Variants in TP63 observed in about 807,000 individuals in gnomAD.
TP63 encodes the protein tumor protein p63.
Under a neutral mutation model 82.8 loss-of-function variants are expected in TP63, and 17 were observed. The observed-to-expected ratio is 0.21, with a 90% CI of 0.14 to 0.31. The LOEUF (loss-of-function observed/expected upper bound fraction) is 0.31. Ranked by LOEUF, TP63 falls within the 10% of genes least tolerant of loss-of-function variation. The pLI, the probability that TP63 is intolerant of heterozygous loss-of-function variation, is 1.00. For synonymous variants in TP63, 330 were observed against 321.7 expected (o/e 1.03, Z -0.28); for missense variants, 648 against 895.3 (o/e 0.72, Z 3.52).
chr3:189,697,382 C>T (rs1395570000), intron 1 of TP63, among the ~76,000 whole-genome samples: 3 of 151,848 alleles, frequency 2.0e-5, no homozygotes, highest in African/African-American at 7.3e-5. Flanking sequence ...TATATCTGAA[C>T]CTTCCATTCT....
chr3:189,644,725 T>C (rs1712247755), intron 1 of TP63, among the ~76,000 whole-genome samples: 1 of 152,156 alleles, frequency 6.6e-6, no homozygotes, highest in Non-Finnish European at 1.5e-5. Context: ...ATATCATTCT[T>C]ATGCCTTTGA....
rs147001224 is a variant in TP63 at position 189,845,215 on chromosome 3, A to G, written c.580-19017A>G. Among the ~76,000 whole-genome samples, 7 of 152,284 alleles carry G rather than the reference A, an allele frequency of 4.6e-5. No individual in the cohort carries two copies. The East Asian group carries it at 1.4e-3, about 29-fold the overall frequency. ...GGTTATTTGAGATAGTACAGACAAC[A>G]CTTTACCTCTTAAGTTTTTTGAACT... On this transcript the variant is annotated intron_variant, in intron 4 of 13. Transcript: ENST00000264731.
At chr3:189,776,428 CCTAGGAAATAATGAAAAAAGGAT>C in intron 3 of TP63, among the ~76,000 whole-genome samples, 1 of 152,154 alleles carries the variant, frequency 6.6e-6, no homozygotes, top group South Asian at 2.1e-4. Context: ...CATGTATAGC[CCTAGGAAATAATGAAAAAAGGAT>C]TTAGGAGTGG....
intron 4 of TP63, among the ~76,000 whole-genome samples, chr3:189,827,138 A>T (rs1334566697): frequency 3.9e-5 from 6 of 152,220 alleles, no homozygotes; most frequent in African/African-American, 1.4e-4. Context: ...TTGGGTAATT[A>T]TATTAATAGA....
chr3:189,751,749 A>C (rs1284611879), intron 3 of TP63, among the ~76,000 whole-genome samples: 1 of 151,784 alleles, frequency 6.6e-6, no homozygotes, highest in Non-Finnish European at 1.5e-5. Flanking sequence ...GATTGCAAAA[A>C]TTTTCTCCCA....
At chr3:189,658,281 A>G (rs1713566935) in intron 1 of TP63, among the ~76,000 whole-genome samples, 1 of 152,106 alleles carries the variant, frequency 6.6e-6, no homozygotes, top group African/African-American at 2.4e-5. Flanking sequence ...ATTATTGGAT[A>G]AGCAAATTAA....
At chr3:189,853,055 A>G (rs971092884) in intron 4 of TP63, among the ~76,000 whole-genome samples, 11 of 152,106 alleles carry the variant, frequency 7.2e-5, no homozygotes, top group Non-Finnish European at 1.5e-4. Context: ...TGTCTTTTCT[A>G]TTTTAATTTT....
intron 1 of TP63, among the ~76,000 whole-genome samples, chr3:189,707,173 T>C (rs1718267198): frequency 6.6e-6 from 1 of 152,242 alleles, no homozygotes; most frequent in Non-Finnish European, 1.5e-5. Context: ...AAAAACCATC[T>C]ACTATTTTAT....
chr3:189,869,467 CA>C, intron 9 of TP63, 61 bp downstream of exon 9: 1 of 1,413,248 alleles, frequency 7.1e-7, no homozygotes, highest in Non-Finnish European at 9.9e-7. Flanking sequence ...TGGGCTTTTA[CA>C]GTATGATCAT....
chr3:189,639,337 A>G (rs1363574512), intron 1 of TP63, among the ~76,000 whole-genome samples: 1 of 152,166 alleles, frequency 6.6e-6, no homozygotes, highest in East Asian at 1.9e-4. Context: ...TGGAAATGAC[A>G]GTTATTAACA....
chr3:189,736,695 T>C (rs1720619695), intron 1 of TP63, among the ~76,000 whole-genome samples: 1 of 152,134 alleles, frequency 6.6e-6, no homozygotes, highest in Admixed American at 6.5e-5. Flanking sequence ...ATGAATGTGC[T>C]ATTGCAGGTA....
At chr3:189,800,475 T>TAAA (rs72295286) in intron 3 of TP63, among the ~76,000 whole-genome samples, 1 of 134,900 alleles carries the variant, frequency 7.4e-6, no homozygotes, top group African/African-American at 2.8e-5. Flanking sequence ...CTTTAATGAG[T>TAAA]AAAAAAAAAA....
At chr3:189,762,860 T>A (rs1722681349) in intron 3 of TP63, among the ~76,000 whole-genome samples, 1 of 152,206 alleles carries the variant, frequency 6.6e-6, no homozygotes, top group Admixed American at 6.5e-5. Flanking sequence ...ACTAGATTAT[T>A]AATGATCTAA....
At chr3:189,858,031 C>T (rs1235316214) in intron 4 of TP63, among the ~76,000 whole-genome samples, 1 of 152,212 alleles carries the variant, frequency 6.6e-6, no homozygotes, top group Non-Finnish European at 1.5e-5. Context: ...TATCTTCACT[C>T]CTGTTTATTG....
At chr3:189,713,586 A>G (rs925452739) in intron 1 of TP63, among the ~76,000 whole-genome samples, 3 of 152,184 alleles carry the variant, frequency 2.0e-5, no homozygotes, top group Non-Finnish European at 4.4e-5. Flanking sequence ...TTGAATTTTG[A>G]AAAGATTAGA....
chr3:189,890,717 T>A, intron 12 of TP63, 72 bp from the exon 13 acceptor site: 1 of 1,433,370 alleles, frequency 7.0e-7, no homozygotes, highest in Non-Finnish European at 9.8e-7. Flanking sequence ...GGTTTTCCCT[T>A]ATCTCGCCAA....
At chr3:189,842,255 GTC>G (rs1231946374) in intron 4 of TP63, among the ~76,000 whole-genome samples, 1 of 152,004 alleles carries the variant, frequency 6.6e-6, no homozygotes, top group Non-Finnish European at 1.5e-5. Context: ...TGTATGTCAC[GTC>G]TGTGTCCATA....
chr3:189,666,013 A>G (rs1714360987), intron 1 of TP63, among the ~76,000 whole-genome samples: 1 of 152,074 alleles, frequency 6.6e-6, no homozygotes, highest in Admixed American at 6.6e-5. Context: ...ACTACGATGG[A>G]TATCTAATAT....
rs149425090 is a variant in TP63 at position 189,650,605 on chromosome 3, A to G, written c.62+19028A>G. 1.1e-4 allele frequency among the ~76,000 whole-genome samples: 16 copies of G among 147,202 alleles called. 3 individuals carry two copies. In the East Asian group the frequency reaches 3.8e-3, roughly 35 times the overall value. Reference sequence around the variant, plus strand: ...CCTGCCACCATGTGAAGAAGGATGCATTTGCTTCCCATTCTGCCATGATTG... The same window carrying G: ...CCTGCCACCATGTGAAGAAGGATGCGTTTGCTTCCCATTCTGCCATGATTG... On this transcript the variant is annotated intron_variant, in intron 1 of 13. Transcript: ENST00000264731.
Sources: allele counts gnomAD v4.1 joint callset (sites outside exome capture counted in the v4.1 genomes callset), GRCh38; gene constraint gnomAD v4.1.1; transcripts MANE v1.5; gene names NCBI Gene and HGNC (gene_info 2026-07-23, HGNC 2026-07-21).